The following NOL4 variants were observed in gnomAD, a reference collection of about 807,000 sequenced individuals.
NOL4 encodes the protein cancer/testis antigen 125.
A neutral mutation model predicts 75.9 loss-of-function variants in NOL4; 17 were observed. The ratio of observed to expected loss-of-function variants is 0.22; its 90% CI spans 0.15 to 0.34. The LOEUF (loss-of-function observed/expected upper bound fraction) is 0.34. Ranked by LOEUF, NOL4 falls within the 10% of genes least tolerant of loss-of-function variation. The pLI is 1.00. For synonymous variants in NOL4, 292 were observed against 289.9 expected (o/e 1.01, Z -0.07); for missense variants, 614 against 793.5 (o/e 0.77, Z 2.72).
chr18:33,930,657 T>A (rs2067624318), intron 9 of NOL4, among the ~76,000 whole-genome samples: 1 of 152,194 alleles, frequency 6.6e-6, no homozygotes, highest in Non-Finnish European at 1.5e-5. Context: ...TTATAGGTTA[T>A]TAAAACTGAT....
intron 5 of NOL4, among the ~76,000 whole-genome samples, chr18:34,083,457 T>G (rs939230741): frequency 5.3e-5 from 8 of 152,058 alleles, no homozygotes; most frequent in Non-Finnish European, 1.0e-4. Context: ...TTCTCTAGTT[T>G]AAGAAAGCAC....
At chr18:33,919,808 T>C (rs1339198204) in intron 9 of NOL4, among the ~76,000 whole-genome samples, 1 of 152,226 alleles carries the variant, frequency 6.6e-6, no homozygotes, top group East Asian at 1.9e-4. Flanking sequence ...GACAATGCCC[T>C]TTTAAATCTA....
chr18:34,041,429 C>G (rs2076134813), intron 5 of NOL4, among the ~76,000 whole-genome samples: 1 of 151,626 alleles, frequency 6.6e-6, no homozygotes, highest in African/African-American at 2.4e-5. Context: ...ATATCCTCCT[C>G]TATGTGGCAG....
intron 1 of NOL4, among the ~76,000 whole-genome samples, chr18:34,163,944 A>G (rs2031933814): frequency 1.3e-5 from 2 of 152,206 alleles, no homozygotes; most frequent in Non-Finnish European, 2.9e-5. Context: ...CCGCTTATCT[A>G]CAACTATCTG....
At chr18:34,129,701 C>T (rs2080546977) in intron 2 of NOL4, among the ~76,000 whole-genome samples, 170 bp downstream of exon 2, 1 of 151,774 alleles carries the variant, frequency 6.6e-6, no homozygotes, top group African/African-American at 2.4e-5. Context: ...TATGAATAGA[C>T]TAGTGAACAT....
chr18:34,090,973 A>ATC (rs2078488625), intron 5 of NOL4, among the ~76,000 whole-genome samples: 2 of 152,062 alleles, frequency 1.3e-5, no homozygotes, highest in African/African-American at 4.8e-5. Context: ...TTGAAACTTA[A>ATC]TCTCCAGCAT....
chr18:33,894,844 G>A (rs548421418), intron 9 of NOL4, among the ~76,000 whole-genome samples: 15 of 152,056 alleles, frequency 9.9e-5, no homozygotes, highest in Non-Finnish European at 4.4e-5. Flanking sequence ...ACATGGAATG[G>A]AGGGTTGTTG....
At chr18:34,132,772 A>AC (rs2080715588) in intron 1 of NOL4, among the ~76,000 whole-genome samples, 1 of 151,906 alleles carries the variant, frequency 6.6e-6, no homozygotes, top group Non-Finnish European at 1.5e-5. Context: ...ACAGTACAGT[A>AC]GAAATTAAAA....
intron 9 of NOL4, among the ~76,000 whole-genome samples, chr18:33,914,425 G>A (rs1243058090): frequency 6.6e-6 from 1 of 152,056 alleles, no homozygotes; most frequent in Admixed American, 6.6e-5. Flanking sequence ...TAAAGACTTT[G>A]GTGCTCTCTC....
At chr18:34,014,970 C>T (rs1287755203) in intron 6 of NOL4, among the ~76,000 whole-genome samples, 1 of 151,996 alleles carries the variant, frequency 6.6e-6, no homozygotes, top group Non-Finnish European at 1.5e-5. Flanking sequence ...ATTAAACTCA[C>T]TGGAATCTAA....
intron 3 of NOL4, among the ~76,000 whole-genome samples, chr18:34,104,525 C>T (rs9964375): frequency 1.4e-4 from 22 of 151,882 alleles, no homozygotes; most frequent in African/African-American, 5.3e-4. Flanking sequence ...TTTGGCCATT[C>T]GATTTAACCT....
At chr18:34,055,805 CT>C (rs201565481) in intron 5 of NOL4, among the ~76,000 whole-genome samples, 8 of 150,902 alleles carry the variant, frequency 5.3e-5, no homozygotes, top group Non-Finnish European at 8.9e-5. Context: ...TTCTTCATTC[CT>C]TTTTTTTTCT....
intron 5 of NOL4, among the ~76,000 whole-genome samples, chr18:34,075,513 T>C (rs1008750473): frequency 5.3e-5 from 8 of 152,274 alleles, no homozygotes; most frequent in South Asian, 2.1e-4. Flanking sequence ...TTTCCACTTG[T>C]GGCATCATGT....
At chr18:34,016,650 T>C (rs2074713168) in intron 6 of NOL4, among the ~76,000 whole-genome samples, 1 of 152,048 alleles carries the variant, frequency 6.6e-6, no homozygotes, top group Non-Finnish European at 1.5e-5. Context: ...CTGGCATCAA[T>C]CTCTCTTTAG....
chr18:34,180,755 A>G (rs2033968452), intron 1 of NOL4, among the ~76,000 whole-genome samples: 1 of 151,582 alleles, frequency 6.6e-6, no homozygotes, highest in Non-Finnish European at 1.5e-5. Context: ...AATGATGTCA[A>G]TATTTTTAAA....
rs750276274 is a variant in NOL4, at chr18:34,019,405, A to G, written c.969T>C (p.Asp323=). ...ACTTGTTTTTCCCATTACTGTTGTG[A>G]TCATCTATTCTGTATTCCGAAGTTA... ...AQLTSEYRID[D]HNSNGKNKYK... is the part of the protein sequence containing the mutation. Residue 323 remains aspartate, a synonymous_variant, in exon 6 of 11, where the codon GAT becomes GAC. Coordinates refer to ENST00000261592, the MANE Select transcript of NOL4 (RefSeq NM_003787.5). 3.1e-6 allele frequency: 5 copies of G among 1,613,926 alleles called. No homozygotes were observed. The East Asian group carries it at 1.1e-4, about 36-fold the overall frequency.
At chr18:34,019,238 T>A in intron 6 of NOL4, 80 bp downstream of exon 6, 1 of 1,146,940 alleles carries the variant, frequency 8.7e-7, no homozygotes, top group Non-Finnish European at 1.3e-6. Flanking sequence ...AACAATAATG[T>A]TTATCTGCTA....
chr18:34,179,639 C>T (rs1010590889), intron 1 of NOL4, among the ~76,000 whole-genome samples: 1 of 151,376 alleles, frequency 6.6e-6, no homozygotes, highest in Non-Finnish European at 1.5e-5. Flanking sequence ...TAGAAAGACC[C>T]CAACTAACAA....
chr18:34,119,442 A>G (rs80129267), intron 2 of NOL4, among the ~76,000 whole-genome samples: 1 of 152,200 alleles, frequency 6.6e-6, no homozygotes, highest in Non-Finnish European at 1.5e-5. Context: ...GCCATGACTC[A>G]GGCAATATTA....
Sources: allele counts gnomAD v4.1 joint callset (sites outside exome capture counted in the v4.1 genomes callset), GRCh38; gene constraint gnomAD v4.1.1; transcripts MANE v1.5; gene names NCBI Gene and HGNC (gene_info 2026-07-23, HGNC 2026-07-21).